Variants in BLOC1S2 observed in about 807,000 individuals in gnomAD.
BLOC1S2 encodes the protein biogenesis of lysosomal organelles complex 1 subunit 2, also known as biogenesis of lysosome-related organelles complex 1 subunit 2.
A neutral mutation model predicts 19.6 loss-of-function variants in BLOC1S2; 12 were observed. That is an observed-to-expected ratio of 0.61 (90% CI 0.39 to 0.99). BLOC1S2 has a LOEUF of 0.99. Among genes scored for constraint, BLOC1S2 ranks in the 50% least tolerant of loss-of-function variants. The pLI is 0.00. For missense variants in BLOC1S2, 142 were observed against 171.0 expected (o/e 0.83, Z 0.95); for synonymous variants, 66 against 64.1 (o/e 1.03, Z -0.14).
chr10:100,276,413 C>A (rs1847862414), intron 4 of BLOC1S2, among the ~76,000 whole-genome samples: 4 of 12,340 alleles, frequency 3.2e-4, no homozygotes, highest in Admixed American at 5.4e-4. Flanking sequence ...TCCCGTCTCC[C>A]TCTCCCTCTC....
chr10:100,280,882 C>A, intron 3 of BLOC1S2, 52 bp downstream of exon 3: 1 of 1,549,348 alleles, frequency 6.5e-7, no homozygotes, highest in Non-Finnish European at 8.7e-7. Flanking sequence ...TGGCCCCAAG[C>A]ACAAAAGAAC....
chr10:100,274,472 C>G lies in BLOC1S2; in HGVS notation c.*990G>C, dbSNP rs1316386724. 1 of 152,518 alleles carries G rather than the reference C, an allele frequency of 6.6e-6. No individual in the cohort carries two copies. Among genetic ancestry groups the G allele is most frequent in the Non-Finnish European group, 1.5e-5 (1 of 68,268 alleles). The allele number at this position is 152,518 out of a possible 1,614,324, so 9.4% of individuals were successfully genotyped here. A position where few individuals can be genotyped will look rare whatever the true frequency, so the allele number is the denominator to read the frequency against. On this transcript the variant is annotated 3_prime_UTR_variant, in exon 5 of 5. Transcript: ENST00000370372. ...AGAACAGAGGATAAATGATGACTGT[C>G]TGGAACAGAGGGGAAATGACAGAAA...
chr10:100,284,791 A>G (rs1218507243), intron 2 of BLOC1S2, among the ~76,000 whole-genome samples: 1 of 151,684 alleles, frequency 6.6e-6, no homozygotes, highest in Non-Finnish European at 1.5e-5. Context: ...GTGCCTGGCC[A>G]TATTTTTTTA....
chr10:100,285,949 T>C, intron 2 of BLOC1S2, 148 bp downstream of exon 2: 2 of 1,071,344 alleles, frequency 1.9e-6, no homozygotes, highest in Non-Finnish European at 2.7e-6. Context: ...TGTATTTTCT[T>C]TCTCTCCCAT....
intron 4 of BLOC1S2, among the ~76,000 whole-genome samples, chr10:100,277,802 C>T (rs1315296853): frequency 7.5e-6 from 1 of 132,664 alleles, no homozygotes; most frequent in Non-Finnish European, 1.6e-5. Flanking sequence ...AGCCCCTCTG[C>T]CCGGCCAGCC....
chr10:100,277,712 C>A (rs1413387021), intron 4 of BLOC1S2, among the ~76,000 whole-genome samples: 9 of 86,416 alleles, frequency 1.0e-4, no homozygotes, highest in Admixed American at 1.1e-4. Context: ...AGGTGGGGGG[C>A]TCAGCCCCCC....
intron 4 of BLOC1S2, among the ~76,000 whole-genome samples, chr10:100,277,112 G>GGCAGCCCA (rs1657292588): frequency 6.7e-6 from 1 of 149,242 alleles, no homozygotes; most frequent in South Asian, 2.1e-4. Context: ...GTCTCTGCCC[G>GGCAGCCCA]GCAGCCCACC....
At chr10:100,285,963 T>C (rs1848223764) in intron 2 of BLOC1S2, 134 bp downstream of exon 2, 6 of 1,235,130 alleles carry the variant, frequency 4.9e-6, no homozygotes, top group African/African-American at 1.5e-5. Flanking sequence ...CTCCCATTCA[T>C]GGCCTCCCCC....
intron 4 of BLOC1S2, among the ~76,000 whole-genome samples, chr10:100,276,991 G>A (rs1847898489): frequency 6.6e-6 from 1 of 151,312 alleles, no homozygotes; most frequent in Admixed American, 6.6e-5. Context: ...GAGCCCCTCT[G>A]CCTGGCTGCC....
chr10:100,274,097 A>C lies in BLOC1S2; in HGVS notation c.*1365T>G, dbSNP rs1229108826. The C allele has an allele frequency of 2.0e-5, 3 of 152,168 alleles. No individual in the cohort carries two copies. Among genetic ancestry groups the C allele is most frequent in the African/African-American group, 7.2e-5 (3 of 41,428 alleles). The allele number at this position is 152,168 out of a possible 1,614,324, so 9.4% of individuals were successfully genotyped here. On this transcript the variant is annotated 3_prime_UTR_variant, in exon 5 of 5. Transcript: ENST00000370372. ...GACAACATAGTGAGACTCCATCTGT[A>C]TAAAAAATAATTAGCAAGGCATGGT...
chr10:100,276,847 C>A, intron 4 of BLOC1S2, among the ~76,000 whole-genome samples: 1 of 152,140 alleles, frequency 6.6e-6, no homozygotes, highest in Non-Finnish European at 1.5e-5. Context: ...GATCTCGGCT[C>A]GCTATGGCCT....
intron 2 of BLOC1S2, 113 bp from the exon 3 acceptor site, chr10:100,281,166 G>A (rs1279198931): frequency 7.9e-7 from 1 of 1,265,054 alleles, no homozygotes; most frequent in Admixed American, 2.2e-5. Context: ...TGTCAAAGGA[G>A]TGGGCCACTT....
rs144961590 is a variant in BLOC1S2, at chr10:100,285,750, C to G, written c.172+347G>C. Among the ~76,000 whole-genome samples the G allele has an allele frequency of 2.6e-3, 390 of 152,310 alleles. 1 individual carries two copies. Among genetic ancestry groups the G allele is most frequent in the Non-Finnish European group, 4.4e-3 (299 of 68,026 alleles). ...AAACACATCTTCTGCTTTAGCCAAA[C>G]ACACTGCTTGCACATACCACCTCAT... On this transcript the variant is annotated intron_variant, in intron 2 of 4. Transcript: ENST00000370372.
chr10:100,277,883 G>A (rs1478774411), intron 4 of BLOC1S2, among the ~76,000 whole-genome samples: 4 of 121,330 alleles, frequency 3.3e-5, no homozygotes, highest in African/African-American at 9.9e-5. Context: ...GAGGGAGGTG[G>A]GGGGGTCAGC....
At position 100,275,312 on chromosome 10, in the gene BLOC1S2, C is replaced by T. The variant is rs1847823324; in HGVS notation, c.*150G>A. 2 of 726,314 alleles carry T rather than the reference C, an allele frequency of 2.8e-6. No homozygotes were observed. The highest frequency in any genetic ancestry group is 2.5e-5 in the Admixed American group (1 of 39,902). 45.0% of individuals were successfully genotyped at this position (726,314 alleles called of 1,614,324 possible). ...AGGTTCAGGAATAGCCACAGTCCTC[C>T]AGTTTACTCGAACGTTGAGATGTTC... On this transcript the variant is annotated 3_prime_UTR_variant, in exon 5 of 5. Transcript: ENST00000370372.
In BLOC1S2 at chr10:100,286,620, C is replaced by T. The variant is rs111396533; in HGVS notation, c.40G>A (p.Asp14Asn). The T allele has an allele frequency of 6.2e-7, 1 of 1,612,672 alleles. No individual in the cohort carries two copies. The highest frequency in any genetic ancestry group is 1.1e-5 in the South Asian group (1 of 90,994). Reference protein sequence around the residue: ...AAEGVLATRSDEPARDDAAVE... With the variant: ...AAEGVLATRSNEPARDDAAVE... ...TTCCGGGTACCTCGGGCGGGCTCAT[C>T]ACTCCGGGTCGCCAGTACGCCCTCG... Residue 14 changes from aspartate (D) to asparagine (N), a missense_variant, in exon 1 of 5, where the codon GAT becomes AAT. Physicochemically the swap from Asp to Asn is conservative, Grantham distance 23 (BLOSUM62 1). This residue lies in a region of BLOC1S2 where 48 missense variants were observed against 29.7 expected (regional missense o/e 1.61). Transcript: ENST00000370372.
intron 1 of BLOC1S2, 30 bp downstream of exon 1, chr10:100,286,575 G>A (rs1051621198): frequency 1.2e-6 from 2 of 1,611,666 alleles, no homozygotes; most frequent in Non-Finnish European, 1.7e-6. Context: ...GCCCCCCACC[G>A]GACGCTTCCT....
intron 2 of BLOC1S2, 87 bp downstream of exon 2, chr10:100,286,010 G>A: frequency 6.5e-7 from 1 of 1,541,242 alleles, no homozygotes; most frequent in East Asian, 2.3e-5. Context: ...ATGCAGGGTA[G>A]GAAGGGAGCT....
chr10:100,277,769 G>A (rs1847955778), intron 4 of BLOC1S2, among the ~76,000 whole-genome samples: 1 of 128,158 alleles, frequency 7.8e-6, no homozygotes, highest in African/African-American at 3.0e-5. Context: ...CCTCTGCCTG[G>A]CCGCCCCTAC....
Sources: allele counts gnomAD v4.1 joint callset (sites outside exome capture counted in the v4.1 genomes callset), GRCh38; gene constraint gnomAD v4.1.1; regional missense constraint gnomAD v4.1.1; transcripts MANE v1.5; gene names NCBI Gene and HGNC (gene_info 2026-07-23, HGNC 2026-07-21).